CROCC: variants seen among roughly 807,000 people sequenced by gnomAD.
The protein encoded by CROCC is rootletin.
CROCC carries 180 observed loss-of-function variants against 245.2 expected under a neutral mutation model. The observed-to-expected ratio is 0.73, with a 90% CI of 0.65 to 0.83. The LOEUF (loss-of-function observed/expected upper bound fraction) is 0.83, where lower values mean the gene tolerates loss of function less well. Ranked by LOEUF, CROCC falls within the 40% of genes least tolerant of loss-of-function variation. The pLI is 0.00. For missense variants in CROCC, 2,688 were observed against 2,779.4 expected (o/e 0.97, Z 0.74); for synonymous variants, 1,205 against 1,241.6 (o/e 0.97, Z 0.62).
chr1:16,951,890 T>G, intron 20 of CROCC: 1 of 163,598 alleles, frequency 6.1e-6, no homozygotes. Flanking sequence ...CTCTTTTTTT[T>G]TTTTCTTTTT....
rs2076246804 is a variant in CROCC at position 16,956,103 on chromosome 1, G to T, written c.3811G>T (p.Val1271Leu). Reference sequence around the variant, plus strand: ...GGAGCTGCGAACTGGGCTGCAGGAGGTGGAGCGCTCACGGCTGGAGGCTCG... The same window carrying T: ...GGAGCTGCGAACTGGGCTGCAGGAGTTGGAGCGCTCACGGCTGGAGGCTCG... ...AGELRTGLQE[V>L]ERSRLEARRE... The change falls in exon 25 of 37, where the codon GTG (valine) becomes TTG (leucine). Residue 1271 changes from valine to leucine, a missense_variant. This residue lies in a region of CROCC where 1,218 missense variants were observed against 1,286.3 expected (regional missense o/e 0.95). Coordinates refer to ENST00000375541, the MANE Select transcript of CROCC (RefSeq NM_014675.5). 2 of 1,550,518 alleles carry T rather than the reference G, an allele frequency of 1.3e-6. No individual in the cohort carries two copies. Among genetic ancestry groups the T allele is most frequent in the Non-Finnish European group, 1.7e-6 (2 of 1,146,794 alleles).
chr1:16,921,889 G>A, upstream of CROCC: 1 of 970,144 alleles, frequency 1.0e-6, no homozygotes, highest in Non-Finnish European at 1.6e-6. Flanking sequence ...TGGTCACATG[G>A]GGGCGCCGCC....
In CROCC at chr1:16,954,814, G is replaced by A. The variant is rs372100642; in HGVS notation, c.3402G>A (p.Glu1134=). The change falls in exon 23 of 37, where the codon GAG becomes GAA. Residue 1134 remains glutamate (E), a synonymous_variant. Transcript: ENST00000375541. The surrounding 1 kb of genome is among the most constrained non-coding windows in gnomAD (Gnocchi z 4.4). ...REEAAAAHAQ[E]VRRLQEQARD... is the part of the protein sequence containing the mutation. Reference sequence around the variant, plus strand: ...AGGCTGCTGCGGCCCACGCCCAGGAGGTGAGGAGGCTGCAAGAGCAGGCCC... The same window carrying A: ...AGGCTGCTGCGGCCCACGCCCAGGAAGTGAGGAGGCTGCAAGAGCAGGCCC... 4 of 1,552,074 alleles carry A rather than the reference G, an allele frequency of 2.6e-6. No homozygotes were observed. In the South Asian group the frequency reaches 3.6e-5, roughly 14 times the overall value.
chr1:16,952,496 A>G (rs1006703586), intron 20 of CROCC, among the ~76,000 whole-genome samples: 8 of 151,762 alleles, frequency 5.3e-5, no homozygotes, highest in Non-Finnish European at 8.8e-5. Flanking sequence ...AAAAAAAAAA[A>G]AAGAAGTGGC....
intron 21 of CROCC, 44 bp downstream of exon 21, chr1:16,953,525 C>T (rs2076199109): frequency 6.5e-7 from 1 of 1,534,796 alleles, no homozygotes; most frequent in Admixed American, 1.9e-5. Flanking sequence ...CTGAGCTGCT[C>T]CAGTTCTGGG....
intron 35 of CROCC, chr1:16,971,088 T>C (rs16830783): frequency 0.072 from 31,775 of 440,562 alleles, 2,604 homozygotes; most frequent in African/African-American, 0.28. Context: ...ATTATGAATA[T>C]GTGTTTGTGT....
intron 27 of CROCC, among the ~76,000 whole-genome samples, chr1:16,965,320 C>G (rs988624247): frequency 6.6e-6 from 1 of 152,212 alleles, no homozygotes; most frequent in Non-Finnish European, 1.5e-5. Context: ...AGGCCCAGCC[C>G]TCATGGTGCT....
At chr1:16,939,853 C>T in intron 12 of CROCC, 41 bp from the exon 13 acceptor site, 1 of 1,604,286 alleles carries the variant, frequency 6.2e-7, no homozygotes, top group Non-Finnish European at 8.5e-7. Context: ...CTCTGGAGGC[C>T]TCTCAGGCCC....
chr1:16,936,422 C>T (rs1225290153), intron 8 of CROCC, among the ~76,000 whole-genome samples: 1 of 152,290 alleles, frequency 6.6e-6, no homozygotes, highest in Non-Finnish European at 1.5e-5. Flanking sequence ...AGTGCGCCAC[C>T]ATGCCTGGCT....
intron 12 of CROCC, among the ~76,000 whole-genome samples, chr1:16,939,351 CG>C (rs869111721): frequency 6.6e-6 from 1 of 152,224 alleles, no homozygotes; most frequent in Admixed American, 6.5e-5. Context: ...GCGGTGAAGC[CG>C]AGCCCAGAAG....
At chr1:16,925,186 G>T (rs1291979497) in intron 3 of CROCC, among the ~76,000 whole-genome samples, 1 of 152,258 alleles carries the variant, frequency 6.6e-6, no homozygotes, top group African/African-American at 2.4e-5. Flanking sequence ...GATTGGTAAG[G>T]GACACTCGCA....
intron 13 of CROCC, among the ~76,000 whole-genome samples, chr1:16,941,910 C>T (rs1253808892): frequency 6.6e-6 from 1 of 152,256 alleles, no homozygotes; most frequent in Non-Finnish European, 1.5e-5. Context: ...CTGTGTTGCC[C>T]AGGATGGTCT....
intron 3 of CROCC, among the ~76,000 whole-genome samples, chr1:16,925,125 T>C (rs2075505360): frequency 6.6e-6 from 1 of 152,392 alleles, no homozygotes; most frequent in African/African-American, 2.4e-5. Flanking sequence ...CTGTCTGCTT[T>C]GGGCCTCCGG....
intron 27 of CROCC, among the ~76,000 whole-genome samples, chr1:16,965,109 C>G (rs1463428419): frequency 6.6e-6 from 1 of 152,252 alleles, no homozygotes; most frequent in East Asian, 1.9e-4. Context: ...GCCACCACAC[C>G]CAGTCAACAG....
At chr1:16,968,499 C>A in intron 31 of CROCC, 81 bp downstream of exon 31, 1 of 1,352,992 alleles carries the variant, frequency 7.4e-7, no homozygotes, top group Non-Finnish European at 9.7e-7. Flanking sequence ...AGTCCCCCAA[C>A]AACCCTGTGA....
rs749187204 is a variant in CROCC at position 16,922,066 on chromosome 1, G to C, written c.48G>C (p.Glu16Asp). Residue 16 changes from glutamate to aspartate, a missense_variant, in exon 1 of 37, where the codon GAG becomes GAC. Around this residue, in one of 9 missense-constraint regions of CROCC, gnomAD observed 972 missense variants for 895.3 expected, o/e 1.09. Transcript: ENST00000375541. Reference protein sequence around the residue: ...AGAQEVELTLETVIQTLESSV... With the variant: ...AGAQEVELTLDTVIQTLESSV... ...CACAGGAGGTGGAGCTGACACTAGA[G>C]ACGGTTATCCAGGTGGGTCCTGGGG... 4 of 1,550,192 alleles carry C rather than the reference G, an allele frequency of 2.6e-6. No homozygotes were observed. The Admixed American group carries it at 7.9e-5, about 31-fold the overall frequency.
At position 16,955,525 on chromosome 1, in the gene CROCC, A is replaced by G; in HGVS notation, c.3679A>G (p.Lys1227Glu). ...RSNEELRSAV[K>E]KAESERISLK... ...CAATGAGGAGCTTCGGTCTGCTGTG[A>G]AGAAGGCAGAGAGCGAGCGCATCAG... The change falls in exon 24 of 37, where the codon AAG (lysine) becomes GAG (glutamate). Residue 1227 changes from lysine (K) to glutamate (E), a missense_variant. Around this residue, in one of 9 missense-constraint regions of CROCC, gnomAD observed 1,218 missense variants for 1,286.3 expected, o/e 0.95. Transcript: ENST00000375541. The G allele has an allele frequency of 6.4e-7, 1 of 1,562,400 alleles. No individual in the cohort carries two copies. Among genetic ancestry groups the G allele is most frequent in the Non-Finnish European group, 8.6e-7 (1 of 1,158,264 alleles).
intron 13 of CROCC, among the ~76,000 whole-genome samples, chr1:16,943,853 G>A (rs1447960305): frequency 2.0e-4 from 30 of 152,396 alleles, no homozygotes; most frequent in African/African-American, 7.2e-4. Flanking sequence ...TAGGGTGCTT[G>A]GAGATCACAC....
Position 16,968,365 on chromosome 1 carries a change from C to A in CROCC, c.5023C>A (p.Arg1675Ser), listed in dbSNP as rs746194466. The change falls in exon 31 of 37, where the codon CGC becomes AGC. Residue 1675 changes from arginine (R) to serine (S), a missense_variant. Physicochemically the swap from Arg to Ser is moderately radical, Grantham distance 110. Transcript: ENST00000375541. Reference sequence around the variant, plus strand: ...GCGCAGCCGCCTGGGCCTCAGTGACCGCGAGGCCCAAGCCCAGGCCCTCCA... The same window carrying A: ...GCGCAGCCGCCTGGGCCTCAGTGACAGCGAGGCCCAAGCCCAGGCCCTCCA... ...LQRSRLGLSDREAQAQALQDR... is the reference protein window; with the variant it reads ...LQRSRLGLSDSEAQAQALQDR... 1 of 1,534,454 alleles carries A rather than the reference C, an allele frequency of 6.5e-7. No homozygotes were observed. Among genetic ancestry groups the A allele is most frequent in the East Asian group, 2.5e-5 (1 of 40,696 alleles).
Sources: allele counts gnomAD v4.1 joint callset (sites outside exome capture counted in the v4.1 genomes callset), GRCh38; gene constraint gnomAD v4.1.1; regional missense constraint gnomAD v4.1.1; non-coding constraint Gnocchi (gnomAD v3.1); transcripts MANE v1.5; gene names NCBI Gene and HGNC (gene_info 2026-07-23, HGNC 2026-07-21).